Variants in MGARP observed in about 807,000 individuals in gnomAD.
The protein encoded by MGARP is mitochondria localized glutamic acid rich protein, also known as protein MGARP.
A neutral mutation model predicts 11.0 loss-of-function variants in MGARP; 12 were observed. The observed-to-expected ratio is 1.09, with a 90% CI of 0.70 to 1.77. MGARP has a LOEUF of 1.77. Among genes scored for constraint, MGARP ranks in the 40% most tolerant of loss-of-function variants. MGARP has a pLI of 0.00. For missense variants in MGARP, 283 were observed against 297.8 expected, an observed-to-expected ratio of 0.95 and a Z score of 0.36; for synonymous variants, 110 against 115.4, an observed-to-expected ratio of 0.95 and a Z score of 0.30.
chr4:139,270,118 A>G (rs1744755218), intron 2 of MGARP, among the ~76,000 whole-genome samples: 2 of 131,094 alleles, frequency 1.5e-5, no homozygotes, highest in Admixed American at 7.2e-5. Context: ...CCTGACCAAC[A>G]TGAGAAATCT....
chr4:139,275,344 G>C lies in MGARP; in HGVS notation c.131C>G (p.Ser44Ter), dbSNP rs373418814. The C allele has an allele frequency of 1.7e-5, 28 of 1,613,900 alleles. No individual in the cohort carries two copies. Among genetic ancestry groups the C allele is most frequent in the Non-Finnish European group, 2.3e-5 (27 of 1,179,966 alleles). Reference protein sequence around the residue: ...SSNRFPGSSGSNMIYYLVVGV... With the variant: ...SSNRFPGSSG Reference sequence around the variant, plus strand: ...TACAACCAGATAATAAATCATATTTGATCCAGATGATCCAGGGAATCTGTT... The same window carrying C: ...TACAACCAGATAATAAATCATATTTCATCCAGATGATCCAGGGAATCTGTT... Residue 44 changes from serine to a stop codon, truncating the protein, a stop_gained, in exon 2 of 4, where the codon TCA (serine) becomes TGA (stop). Transcript: ENST00000398955. LOFTEE classifies it high-confidence loss of function.
intron 2 of MGARP, 94 bp from the exon 3 acceptor site, chr4:139,268,859 T>C: frequency 1.1e-6 from 1 of 873,122 alleles, no homozygotes; most frequent in Non-Finnish European, 1.8e-6. Flanking sequence ...GTAATCACCA[T>C]TAGAAGTTTA....
chr4:139,272,408 A>G (rs1744797033), intron 2 of MGARP, among the ~76,000 whole-genome samples: 1 of 151,578 alleles, frequency 6.6e-6, no homozygotes, highest in Non-Finnish European at 1.5e-5. Context: ...TACAAAAAAA[A>G]ATTAGCTGGG....
At chr4:139,271,724 A>G (rs1278253563) in intron 2 of MGARP, among the ~76,000 whole-genome samples, 1 of 152,206 alleles carries the variant, frequency 6.6e-6, no homozygotes, top group Non-Finnish European at 1.5e-5. Context: ...GGAGTGCCTT[A>G]CATTCAGCAT....
chr4:139,279,781 A>G (rs1343686366), intron 1 of MGARP, among the ~76,000 whole-genome samples: 1 of 152,202 alleles, frequency 6.6e-6, no homozygotes, highest in African/African-American at 2.4e-5. Flanking sequence ...AAGGAAAACC[A>G]TCATCGCCCT....
intron 2 of MGARP, 71 bp downstream of exon 2, chr4:139,275,218 G>C (rs980866902): frequency 5.7e-6 from 7 of 1,222,714 alleles, no homozygotes; most frequent in Non-Finnish European, 8.4e-6. Context: ...TGATCTTGAC[G>C]TTGCTTTGAG....
chr4:139,277,044 C>T (rs1253497470), intron 1 of MGARP, among the ~76,000 whole-genome samples: 1 of 152,082 alleles, frequency 6.6e-6, no homozygotes, highest in Admixed American at 6.6e-5. Flanking sequence ...TAATTTTGTG[C>T]TTGAAACAAA....
At chr4:139,278,925 C>T (rs1013218407) in intron 1 of MGARP, among the ~76,000 whole-genome samples, 3 of 152,114 alleles carry the variant, frequency 2.0e-5, no homozygotes, top group African/African-American at 7.2e-5. Flanking sequence ...GACCTCCGTC[C>T]TTCCCTCCCA....
chr4:139,275,200 T>C, intron 2 of MGARP, 89 bp downstream of exon 2: 1 of 1,013,190 alleles, frequency 9.9e-7, no homozygotes, highest in Non-Finnish European at 1.5e-6. Flanking sequence ...TTAATTAATC[T>C]CATGTCCTGA....
At chr4:139,269,819 T>C (rs556728469) in intron 2 of MGARP, among the ~76,000 whole-genome samples, 19 of 152,228 alleles carry the variant, frequency 1.2e-4, no homozygotes, top group Admixed American at 1.2e-3. Flanking sequence ...TTTGTATTAA[T>C]TTAGCTTTTA....
At chr4:139,273,017 A>G (rs1180893322) in intron 2 of MGARP, among the ~76,000 whole-genome samples, 13 of 152,120 alleles carry the variant, frequency 8.5e-5, no homozygotes, top group Admixed American at 7.9e-4. Flanking sequence ...AAACCAAAAT[A>G]TAGTGACTGT....
Position 139,266,915 on chromosome 4 carries a change from G to T in MGARP, c.407C>A (p.Ala136Glu). 1 of 1,614,168 alleles carries T rather than the reference G, an allele frequency of 6.2e-7. No individual in the cohort carries two copies. The highest frequency in any genetic ancestry group is 8.5e-7 in the Non-Finnish European group (1 of 1,180,030). Residue 136 changes from alanine (A) to glutamate (E), a missense_variant, in exon 4 of 4, where the codon GCA (alanine) becomes GAA (glutamate). Ala to Glu is a moderately radical substitution (Grantham distance 107). Transcript: ENST00000398955. ...CTCCACGTGACCTGGACAGGCAGATGCCTCTTTTATGACCACAACTGTAGC... is the reference window on the plus strand; with the variant it reads ...CTCCACGTGACCTGGACAGGCAGATTCCTCTTTTATGACCACAACTGTAGC... ...PSATVVVIKE[A>E]SACPGHVEAA...
At chr4:139,279,613 G>C (rs775415984) in intron 1 of MGARP, among the ~76,000 whole-genome samples, 2 of 152,228 alleles carry the variant, frequency 1.3e-5, no homozygotes, top group African/African-American at 2.4e-5. Flanking sequence ...AGCGCTTGCC[G>C]GGCCCGCTCG....
In MGARP at chr4:139,275,286, T is replaced by A. The variant is rs937178672; in HGVS notation, c.186+3A>T. ...TGAGCACTGTGGTTATATAATCACT[T>A]ACATAATATCCACCAGCACTGACTG... On this transcript the variant is annotated splice_donor_region_variant and intron_variant, in intron 2 of 3. Transcript: ENST00000398955. 5.0e-6 allele frequency: 8 copies of A among 1,609,604 alleles called. No homozygotes were observed. Among genetic ancestry groups the A allele is most frequent in the Non-Finnish European group, 6.8e-6 (8 of 1,176,574 alleles).
At chr4:139,280,042 C>T in intron 1 of MGARP, 35 bp downstream of exon 1, 1 of 1,607,980 alleles carries the variant, frequency 6.2e-7, no homozygotes, top group Non-Finnish European at 8.5e-7. Context: ...CCCGAGGCGC[C>T]CGTCCTCCTC....
chr4:139,279,841 G>A (rs1257521427), intron 1 of MGARP, among the ~76,000 whole-genome samples: 1 of 152,214 alleles, frequency 6.6e-6, no homozygotes, highest in Non-Finnish European at 1.5e-5. Flanking sequence ...AGATCAGGAT[G>A]CGAACCCAGA....
chr4:139,277,408 G>C (rs1208582199), intron 1 of MGARP, among the ~76,000 whole-genome samples: 1 of 152,182 alleles, frequency 6.6e-6, no homozygotes, highest in Non-Finnish European at 1.5e-5. Flanking sequence ...GACTTGTGGT[G>C]GGACTTCTGA....
At chr4:139,277,376 TATG>T (rs1166105991) in intron 1 of MGARP, among the ~76,000 whole-genome samples, 3 of 152,216 alleles carry the variant, frequency 2.0e-5, no homozygotes, top group Non-Finnish European at 4.4e-5. Context: ...CCCCAAAGGC[TATG>T]AGAAGAGGTT....
chr4:139,271,836 T>C (rs572067154), intron 2 of MGARP, among the ~76,000 whole-genome samples: 1 of 152,286 alleles, frequency 6.6e-6, no homozygotes, highest in South Asian at 2.1e-4. Context: ...CTTCCATCCC[T>C]ACTGTGAGAG....
Sources: allele counts gnomAD v4.1 joint callset (sites outside exome capture counted in the v4.1 genomes callset), GRCh38; gene constraint gnomAD v4.1.1; transcripts MANE v1.5; gene names NCBI Gene and HGNC (gene_info 2026-07-23, HGNC 2026-07-21).